RPS6KA5: variants seen among roughly 807,000 people sequenced by gnomAD.
The protein encoded by RPS6KA5 is ribosomal protein S6 kinase alpha-5.
A neutral mutation model predicts 85.5 loss-of-function variants in RPS6KA5; 27 were observed. The ratio of observed to expected loss-of-function variants is 0.32; its 90% CI spans 0.23 to 0.44. RPS6KA5 has a LOEUF of 0.44. Among genes scored for constraint, RPS6KA5 ranks in the 20% least tolerant of loss-of-function variants. The pLI is 1.00. For synonymous variants in RPS6KA5, 334 were observed against 348.2 expected, an observed-to-expected ratio of 0.96 and a Z score of 0.46; for missense variants, 811 against 980.9, an observed-to-expected ratio of 0.83 and a Z score of 2.31.
chr14:90,992,384 A>G (rs563435088), intron 2 of RPS6KA5, among the ~76,000 whole-genome samples: 36 of 152,348 alleles, frequency 2.4e-4, no homozygotes, highest in African/African-American at 7.5e-4. Context: ...CAAAGGTAAA[A>G]CATTACAGGT....
intron 3 of RPS6KA5, among the ~76,000 whole-genome samples, chr14:90,967,060 C>T (rs1429429650): frequency 1.3e-5 from 2 of 152,152 alleles, no homozygotes. Flanking sequence ...AGGGCTAACT[C>T]TAATACATGT....
chr14:90,966,246 T>C (rs1260278044), intron 3 of RPS6KA5, among the ~76,000 whole-genome samples: 1 of 152,212 alleles, frequency 6.6e-6, no homozygotes, highest in Non-Finnish European at 1.5e-5. Flanking sequence ...AGAAATGATT[T>C]TTTAAAATGA....
At chr14:91,052,817 A>T (rs1228354929) in intron 1 of RPS6KA5, among the ~76,000 whole-genome samples, 1 of 139,212 alleles carries the variant, frequency 7.2e-6, no homozygotes. Context: ...CTGGGAACAG[A>T]GCGAGACTCC....
At chr14:90,876,727 T>A (rs1335163367) in intron 14 of RPS6KA5, among the ~76,000 whole-genome samples, 1 of 152,166 alleles carries the variant, frequency 6.6e-6, no homozygotes, top group Non-Finnish European at 1.5e-5. Flanking sequence ...GGAGCAGTGG[T>A]GTCGGCAGGA....
chr14:90,953,482 A>G (rs2038327104), intron 3 of RPS6KA5, among the ~76,000 whole-genome samples: 4 of 152,188 alleles, frequency 2.6e-5, no homozygotes, highest in South Asian at 2.1e-4. Flanking sequence ...AAAGAACAGA[A>G]TAACAGTGAT....
intron 2 of RPS6KA5, among the ~76,000 whole-genome samples, chr14:90,981,920 T>C (rs1320311036): frequency 6.6e-6 from 1 of 152,258 alleles, no homozygotes; most frequent in African/African-American, 2.4e-5. Flanking sequence ...TAAAGCTGTT[T>C]ATCACATTGC....
intron 4 of RPS6KA5, 95 bp from the exon 5 acceptor site, chr14:90,943,280 T>G: frequency 2.8e-6 from 2 of 713,540 alleles, no homozygotes; most frequent in Non-Finnish European, 4.6e-6. Context: ...TATTTTTTTT[T>G]TTAAGGCATT....
chr14:90,878,086 A>G (rs929565770), intron 14 of RPS6KA5, among the ~76,000 whole-genome samples: 10 of 152,214 alleles, frequency 6.6e-5, no homozygotes, highest in Non-Finnish European at 1.0e-4. Flanking sequence ...ACACCTGTAG[A>G]TGCCCTATCA....
rs1451763840 is a variant in RPS6KA5, at chr14:90,860,178, A to G, written c.*11896T>C. The G allele has an allele frequency of 6.6e-6, 1 of 152,256 alleles. No homozygotes were observed. The highest frequency in any genetic ancestry group is 1.5e-5 in the Non-Finnish European group (1 of 68,046). 9.4% of individuals were successfully genotyped at this position (152,256 alleles called of 1,614,324 possible). On this transcript the variant is annotated 3_prime_UTR_variant, in exon 17 of 17. Transcript: ENST00000614987. ...CACAGAAAAAAGACACATTACCTTC[A>G]AAGGAAATATAACTAATGGCTTTTT...
At chr14:90,874,601 G>A (rs2140140828) in intron 15 of RPS6KA5, among the ~76,000 whole-genome samples, 1 of 152,328 alleles carries the variant, frequency 6.6e-6, no homozygotes, top group Middle Eastern at 3.4e-3. Context: ...TGGCAGAAAA[G>A]AGGCATAATC....
chr14:90,996,289 A>C (rs1377609668), intron 2 of RPS6KA5, among the ~76,000 whole-genome samples: 2 of 151,062 alleles, frequency 1.3e-5, no homozygotes, highest in African/African-American at 2.4e-5. Flanking sequence ...CTCCCACCTC[A>C]GCCTCTCAAA....
chr14:91,023,011 G>C (rs2041847031), intron 1 of RPS6KA5, among the ~76,000 whole-genome samples: 1 of 151,032 alleles, frequency 6.6e-6, no homozygotes, highest in African/African-American at 2.4e-5. Flanking sequence ...CTTGAACCGA[G>C]GAGGCGGAGG....
rs2032509222 is a variant in RPS6KA5, at chr14:90,860,880, A to G, written c.*11194T>C. ...ATAAATATGTGAGCAAACAAACAAT[A>G]TAGAGTCTATTTTTTTTTTTTTTTT... On this transcript the variant is annotated 3_prime_UTR_variant, in exon 17 of 17. Transcript: ENST00000614987. The G allele has an allele frequency of 6.6e-6, 1 of 150,708 alleles. No homozygotes were observed. The allele number at this position is 150,708 out of a possible 1,614,324, so 9.3% of individuals were successfully genotyped here.
rs1476907994 is a variant in RPS6KA5, at chr14:90,894,533, C to T, written c.1524G>A (p.Glu508=). ...TGAAGTGCTTCTTTTTCTTAATGCG[C>T]TCAAACAGTTCTCCTCCATTCAGAA... The part of the protein sequence containing the change: ...MELLNGGELF[E]RIKKKKHFSE... Residue 508 remains glutamate, a synonymous_variant, in exon 13 of 17, where the codon GAG becomes GAA. Transcript: ENST00000614987. 3 of 1,614,136 alleles carry T rather than the reference C, an allele frequency of 1.9e-6. No homozygotes were observed. Among genetic ancestry groups the T allele is most frequent in the South Asian group, 1.1e-5 (1 of 91,082 alleles).
intron 14 of RPS6KA5, among the ~76,000 whole-genome samples, chr14:90,875,571 T>C (rs988923372): frequency 3.3e-5 from 5 of 152,172 alleles, no homozygotes; most frequent in African/African-American, 1.2e-4. Flanking sequence ...CAAAGGATTA[T>C]AAATCATGCT....
intron 7 of RPS6KA5, 135 bp downstream of exon 7, chr14:90,920,071 A>G: frequency 1.4e-6 from 1 of 703,148 alleles, no homozygotes; most frequent in Non-Finnish European, 2.6e-6. Flanking sequence ...TATGATAGAA[A>G]TGAAAATTTA....
chr14:91,030,926 T>C (rs1045539828), intron 1 of RPS6KA5, among the ~76,000 whole-genome samples: 1 of 151,994 alleles, frequency 6.6e-6, no homozygotes, highest in African/African-American at 2.4e-5. Flanking sequence ...AGAATAATCT[T>C]GGAAATCCAG....
intron 2 of RPS6KA5, among the ~76,000 whole-genome samples, chr14:90,989,528 C>G (rs1293419652): frequency 6.6e-6 from 1 of 152,182 alleles, no homozygotes; most frequent in Admixed American, 6.5e-5. Context: ...AAGTCTTTAG[C>G]TGAGACCTTC....
At chr14:90,877,480 T>C (rs897993668) in intron 14 of RPS6KA5, among the ~76,000 whole-genome samples, 3 of 152,132 alleles carry the variant, frequency 2.0e-5, no homozygotes, top group African/African-American at 7.2e-5. Context: ...ACTTCTTCCC[T>C]CCTGTATCCT....
Sources: allele counts gnomAD v4.1 joint callset (sites outside exome capture counted in the v4.1 genomes callset), GRCh38; gene constraint gnomAD v4.1.1; transcripts MANE v1.5; gene names NCBI Gene and HGNC (gene_info 2026-07-23, HGNC 2026-07-21).